Variants in ZDHHC2 observed in about 807,000 individuals in gnomAD.
ZDHHC2 encodes the protein zDHHC palmitoyltransferase 2.
Under a neutral mutation model 55.6 loss-of-function variants are expected in ZDHHC2, and 51 were observed. That is an observed-to-expected ratio of 0.92 (90% confidence interval 0.73 to 1.16). ZDHHC2 has a LOEUF of 1.16. ZDHHC2 is among the 50% of genes most tolerant of loss of function. ZDHHC2 has a pLI of 0.00. For missense variants in ZDHHC2, 491 were observed against 442.4 expected (o/e 1.11, Z -0.99); for synonymous variants, 199 against 152.9 (o/e 1.30, Z -2.22).
At chr8:17,195,302 A>T (rs1806249628) in intron 3 of ZDHHC2, among the ~76,000 whole-genome samples, 1 of 152,172 alleles carries the variant, frequency 6.6e-6, no homozygotes, top group Admixed American at 6.5e-5. Context: ...TATGATGATG[A>T]TTATTATACC....
chr8:17,184,500 G>T (rs1805605203), intron 1 of ZDHHC2, among the ~76,000 whole-genome samples: 1 of 152,184 alleles, frequency 6.6e-6, no homozygotes, highest in South Asian at 2.1e-4. Flanking sequence ...TCAACCAAAT[G>T]ATACAGAAAT....
intron 7 of ZDHHC2, 94 bp downstream of exon 7, chr8:17,205,869 G>C (rs1807076153): frequency 1.6e-6 from 2 of 1,246,148 alleles, no homozygotes; most frequent in Non-Finnish European, 2.2e-6. Context: ...TGACTTTATA[G>C]ACCAGAGCTC....
chr8:17,209,810 CTCACAG>C, intron 8 of ZDHHC2, 116 bp from the exon 9 acceptor site: 1 of 1,200,642 alleles, frequency 8.3e-7, no homozygotes, highest in Non-Finnish European at 1.1e-6. Flanking sequence ...CACATAAGCC[CTCACAG>C]TCAGCTAGCC....
Position 17,220,426 on chromosome 8 carries a change from A to T in ZDHHC2, c.*205A>T, listed in dbSNP as rs1006687263. Reference sequence around the variant, plus strand: ...TCCAATACACACATTGTTACAACTAACACAAATTCCTATTAAATATTAAAA... The same window carrying T: ...TCCAATACACACATTGTTACAACTATCACAAATTCCTATTAAATATTAAAA... On this transcript the variant is annotated 3_prime_UTR_variant, in exon 13 of 13. Transcript: ENST00000262096. 3 of 152,168 alleles carry T rather than the reference A, an allele frequency of 2.0e-5. No homozygotes were observed. The highest frequency in any genetic ancestry group is 4.8e-5 in the African/African-American group (2 of 41,450). The allele number at this position is 152,168 out of a possible 1,614,324, so 9.4% of individuals were successfully genotyped here.
At chr8:17,186,292 T>C in intron 2 of ZDHHC2, 39 bp from the exon 3 acceptor site, 1 of 1,339,894 alleles carries the variant, frequency 7.5e-7, no homozygotes, top group South Asian at 1.3e-5. Context: ...TAGTATGTAT[T>C]TGCATATTAT....
In ZDHHC2 at chr8:17,195,641, A is replaced by C. The variant is rs1353347995; in HGVS notation, c.373+17A>C. 6.2e-7 allele frequency: 1 copy of C among 1,613,332 alleles called. No homozygotes were observed. Among genetic ancestry groups the C allele is most frequent in the African/African-American group, 1.3e-5 (1 of 74,900 alleles). ...TGTCTGGAGGTAAATGTTGATAATG[A>C]GTGCTTTGCAATGGTATGCAAATAA... is the stretch of plus-strand genomic sequence containing the variant. On this transcript the variant is annotated intron_variant, in intron 4 of 12. Transcript: ENST00000262096.
Position 17,189,767 on chromosome 8 carries a change from C to A in ZDHHC2, c.252+3342C>A, listed in dbSNP as rs138038269. ...CACAGCATTGAAGGAGCAGTCAAAT[C>A]GATGACAGTGACATTATAACGGTAT... On this transcript the variant is annotated intron_variant, in intron 3 of 12. Transcript: ENST00000262096. 5.9e-5 allele frequency among the ~76,000 whole-genome samples: 9 copies of A among 152,288 alleles called. No individual in the cohort carries two copies. In the East Asian group the frequency reaches 7.7e-4, roughly 13 times the overall value.
At chr8:17,168,890 A>G (rs1804728572) in intron 1 of ZDHHC2, among the ~76,000 whole-genome samples, 2 of 152,112 alleles carry the variant, frequency 1.3e-5, no homozygotes, top group Admixed American at 6.5e-5. Context: ...AGGCTGAATA[A>G]TATTTCGTGG....
chr8:17,211,230 G>A lies in ZDHHC2; in HGVS notation c.950+750G>A, dbSNP rs1807371659. ...TTTTATACCTTTGTGACAGATTTGA[G>A]TATAACCATTCCTCTGATTTTTCAA... On this transcript the variant is annotated intron_variant, in intron 10 of 12. Coordinates refer to ENST00000262096, the MANE Select transcript of ZDHHC2 (RefSeq NM_016353.5). Among the ~76,000 whole-genome samples the A allele has an allele frequency of 1.3e-5, 2 of 152,160 alleles. 1 individual carries two copies. The highest frequency in any genetic ancestry group is 2.9e-5 in the Non-Finnish European group (2 of 68,040).
chr8:17,210,255 G>A (rs969180879), intron 9 of ZDHHC2, 133 bp from the exon 10 acceptor site: 1 of 1,053,508 alleles, frequency 9.5e-7, no homozygotes. Context: ...ACACTATGTT[G>A]AGCTCAATGT....
At chr8:17,168,123 C>G (rs114863088) in intron 1 of ZDHHC2, among the ~76,000 whole-genome samples, 2,141 of 152,162 alleles carry the variant, frequency 0.014, 59 homozygotes, top group African/African-American at 0.049. Context: ...CTCCAAGACC[C>G]TTGGAGTTTG....
rs747924334 is a variant in ZDHHC2 at position 17,210,461 on chromosome 8, C to G, written c.931C>G (p.Leu311Val). The change falls in exon 10 of 13, where the codon CTG (leucine) becomes GTG (valine). Residue 311 changes from leucine (L) to valine (V), a missense_variant. Transcript: ENST00000262096. ...DPEQASTPAGLNSTAKNLENH... is the reference protein window; with the variant it reads ...DPEQASTPAGVNSTAKNLENH... Reference sequence around the variant, plus strand: ...TGAACAAGCATCTACTCCTGCAGGGCTGAATTCCACAGCTAAAAAGTAATC... The same window carrying G: ...TGAACAAGCATCTACTCCTGCAGGGGTGAATTCCACAGCTAAAAAGTAATC... 2.8e-5 allele frequency: 45 copies of G among 1,610,042 alleles called. 1 individual carries two copies. In the Middle Eastern group the frequency reaches 5.0e-4, roughly 18 times the overall value.
intron 1 of ZDHHC2, among the ~76,000 whole-genome samples, chr8:17,164,994 G>A (rs910026142): frequency 6.6e-6 from 1 of 152,182 alleles, no homozygotes; most frequent in African/African-American, 2.4e-5. Context: ...CTGAATCAAG[G>A]TATGGGTTTT....
Position 17,205,477 on chromosome 8 carries a change from C to G in ZDHHC2, c.477-178C>G, listed in dbSNP as rs139461777. ...AAATATCATGTTTTAAAAATAGAAG[C>G]AGATTTTTTAGTGAAATGGATTTTT... On this transcript the variant is annotated intron_variant, in intron 6 of 12. Coordinates refer to ENST00000262096, the MANE Select transcript of ZDHHC2 (RefSeq NM_016353.5). 3.9e-4 allele frequency among the ~76,000 whole-genome samples: 60 copies of G among 152,158 alleles called. 1 individual carries two copies. The highest frequency in any genetic ancestry group is 1.4e-3 in the African/African-American group (59 of 41,500).
intron 1 of ZDHHC2, among the ~76,000 whole-genome samples, chr8:17,158,374 A>G (rs546429331): frequency 6.6e-6 from 1 of 152,310 alleles, no homozygotes; most frequent in East Asian, 1.9e-4. Flanking sequence ...GGGACATCCT[A>G]GAAGGCCTTC....
intron 6 of ZDHHC2, 49 bp downstream of exon 6, chr8:17,198,462 ATAAAT>A: frequency 1.3e-6 from 2 of 1,516,078 alleles, no homozygotes; most frequent in Non-Finnish European, 1.8e-6. Flanking sequence ...GTAAATGTTA[ATAAAT>A]TAAATCACTT....
In ZDHHC2 at chr8:17,169,514, G is replaced by A. The variant is rs530642431; in HGVS notation, c.130+12661G>A. ...AATTAAATCTTGAAAGAACATATTAGCAGATGGAAATGGTACGCAAACTGA... is the reference window on the plus strand; with the variant it reads ...AATTAAATCTTGAAAGAACATATTAACAGATGGAAATGGTACGCAAACTGA... On this transcript the variant is annotated intron_variant, in intron 1 of 12. Coordinates refer to ENST00000262096, the MANE Select transcript of ZDHHC2 (RefSeq NM_016353.5). Among the ~76,000 whole-genome samples the A allele has an allele frequency of 2.8e-4, 42 of 152,284 alleles. 1 individual carries two copies. Among genetic ancestry groups the A allele is most frequent in the Admixed American group, 2.1e-3 (32 of 15,294 alleles).
intron 1 of ZDHHC2, among the ~76,000 whole-genome samples, chr8:17,167,922 A>G (rs912482443): frequency 6.6e-6 from 1 of 152,164 alleles, no homozygotes; most frequent in African/African-American, 2.4e-5. Flanking sequence ...CCGTTTTAGT[A>G]GGTTTCAGAT....
At chr8:17,181,892 C>G (rs543515100) in intron 1 of ZDHHC2, among the ~76,000 whole-genome samples, 3 of 152,040 alleles carry the variant, frequency 2.0e-5, no homozygotes, top group African/African-American at 4.8e-5. Context: ...TTTTCTTGAA[C>G]AGTTACTTTT....
Sources: allele counts gnomAD v4.1 joint callset (sites outside exome capture counted in the v4.1 genomes callset), GRCh38; gene constraint gnomAD v4.1.1; transcripts MANE v1.5; gene names NCBI Gene and HGNC (gene_info 2026-07-23, HGNC 2026-07-21).